The following RBFOX1 variants were observed in gnomAD, a reference collection of about 807,000 sequenced individuals.
RBFOX1 encodes the protein RNA binding fox-1 homolog 1.
RBFOX1 carries 8 observed loss-of-function variants against 57.7 expected under a neutral mutation model. The ratio of observed to expected loss-of-function variants is 0.14; its 90% CI spans 0.08 to 0.25. The LOEUF (loss-of-function observed/expected upper bound fraction) is 0.25. Among genes scored for constraint, RBFOX1 ranks in the 10% least tolerant of loss-of-function variants. The pLI, the probability that RBFOX1 is intolerant of heterozygous loss-of-function variation, is 1.00. For synonymous variants in RBFOX1, 326 were observed against 222.4 expected (o/e 1.47, Z -4.15); for missense variants, 611 against 548.5 (o/e 1.11, Z -1.14).
intron 1 of RBFOX1, among the ~76,000 whole-genome samples, chr16:6,170,761 G>A (rs1217295097): frequency 6.6e-6 from 1 of 151,940 alleles, no homozygotes; most frequent in Non-Finnish European, 1.5e-5. Context: ...CTATCCTCAA[G>A]CAGGCCCCAC....
At position 7,406,043 on chromosome 16, in the gene RBFOX1, G is replaced by A. The variant is rs1266731560; in HGVS notation, c.28-112104G>A. ...TATCCCCCACAACAAAGAATTACCT[G>A]GTTTGAAATATTGGCAATAGTGAAG... On this transcript the variant is annotated intron_variant, in intron 4 of 15. Transcript: ENST00000550418. Among the ~76,000 whole-genome samples, 3 of 152,126 alleles carry A rather than the reference G, an allele frequency of 2.0e-5. No individual in the cohort carries two copies. The East Asian group carries it at 5.8e-4, about 29-fold the overall frequency.
At chr16:7,145,762 A>G (rs562215095) in intron 4 of RBFOX1, among the ~76,000 whole-genome samples, 14 of 152,046 alleles carry the variant, frequency 9.2e-5, no homozygotes, top group Admixed American at 6.6e-4. Context: ...TATTAGGGAG[A>G]TATAAAAATC....
chr16:6,086,129 C>T (rs997039701), intron 1 of RBFOX1, among the ~76,000 whole-genome samples: 6 of 152,126 alleles, frequency 3.9e-5, no homozygotes, highest in African/African-American at 1.4e-4. Context: ...CAGCTTCATC[C>T]ATGTCCTTGC....
chr16:6,229,247 A>T (rs761332375), intron 1 of RBFOX1, among the ~76,000 whole-genome samples: 6 of 152,118 alleles, frequency 3.9e-5, no homozygotes, highest in Non-Finnish European at 7.3e-5. Flanking sequence ...AGAGAGCAAA[A>T]CTCAAAAGCA....
intron 4 of RBFOX1, among the ~76,000 whole-genome samples, chr16:7,267,411 C>A (rs1437336371): frequency 6.6e-6 from 1 of 151,340 alleles, no homozygotes; most frequent in Non-Finnish European, 1.5e-5. Context: ...TGGTGTGCAC[C>A]TGCAATCCCA....
At chr16:6,754,491 T>G (rs560629794) in intron 3 of RBFOX1, among the ~76,000 whole-genome samples, 11 of 152,308 alleles carry the variant, frequency 7.2e-5, no homozygotes, top group Middle Eastern at 3.4e-3. Flanking sequence ...CTCTTTTTCA[T>G]GAGGAAAATT....
At chr16:5,580,586 T>A (rs1195152393) in intron 2 of RBFOX1, among the ~76,000 whole-genome samples, 1 of 152,168 alleles carries the variant, frequency 6.6e-6, no homozygotes, top group Non-Finnish European at 1.5e-5. Context: ...ACGCTGGTTG[T>A]TCCCTTTGTG....
At chr16:5,828,051 A>ACCCACCCATCCATCCATCCT (rs2056135918) in intron 3 of RBFOX1, among the ~76,000 whole-genome samples, 1 of 149,976 alleles carries the variant, frequency 6.7e-6, no homozygotes, top group African/African-American at 2.5e-5. Context: ...CCATCCATCT[A>ACCCACCCATCCATCCATCCT]CCCACCCATC....
chr16:6,897,670 G>A (rs575918858), intron 3 of RBFOX1, among the ~76,000 whole-genome samples: 1 of 152,070 alleles, frequency 6.6e-6, no homozygotes, highest in South Asian at 2.1e-4. Context: ...GCACGTGTCT[G>A]TAATCACAGC....
chr16:6,578,328 A>G (rs943929186), intron 2 of RBFOX1, among the ~76,000 whole-genome samples: 3 of 152,178 alleles, frequency 2.0e-5, no homozygotes, highest in African/African-American at 7.2e-5. Context: ...GGTAGTGGGA[A>G]GTTAGCGAAG....
At chr16:6,684,605 G>A (rs2154125829) in intron 3 of RBFOX1, among the ~76,000 whole-genome samples, 1 of 152,270 alleles carries the variant, frequency 6.6e-6, no homozygotes, top group African/African-American at 2.4e-5. Flanking sequence ...AGCTGATTCT[G>A]TGAGTGAGAT....
intron 4 of RBFOX1, among the ~76,000 whole-genome samples, chr16:7,170,936 C>T (rs992251979): frequency 1.6e-4 from 25 of 152,284 alleles, no homozygotes; most frequent in African/African-American, 5.8e-4. Flanking sequence ...TCTTTTATGA[C>T]TTTATTTGTA....
At chr16:6,714,293 A>G (rs1261157570) in intron 3 of RBFOX1, among the ~76,000 whole-genome samples, 1 of 152,130 alleles carries the variant, frequency 6.6e-6, no homozygotes, top group Non-Finnish European at 1.5e-5. Flanking sequence ...CAGGCATTTC[A>G]TTATAGTATT....
At chr16:7,304,372 C>T (rs1038999065) in intron 4 of RBFOX1, 151 of 985,364 alleles carry the variant, frequency 1.5e-4, no homozygotes, top group Middle Eastern at 5.2e-4. Context: ...GCTCGGCGGG[C>T]GCCAGAGAGA....
At chr16:7,708,046 G>C (rs142335163) in intron 14 of RBFOX1, among the ~76,000 whole-genome samples, 32 of 152,298 alleles carry the variant, frequency 2.1e-4, no homozygotes, top group Middle Eastern at 3.4e-3. Context: ...TGCCCTAAGA[G>C]ATTCAAGTAT....
At chr16:7,599,663 T>TTTTTTTTA (rs2094907887) in intron 9 of RBFOX1, among the ~76,000 whole-genome samples, 4 of 147,128 alleles carry the variant, frequency 2.7e-5, no homozygotes, top group African/African-American at 7.6e-5. Flanking sequence ...TTTTTTTTTT[T>TTTTTTTTA]GAGACAGGGT....
At chr16:7,294,233 C>A (rs2095848141) in intron 4 of RBFOX1, among the ~76,000 whole-genome samples, 1 of 152,082 alleles carries the variant, frequency 6.6e-6, no homozygotes, top group Non-Finnish European at 1.5e-5. Context: ...GCCGCCTACC[C>A]TTCCTTGTCC....
At chr16:5,465,042 G>C (rs189107041) in intron 1 of RBFOX1, among the ~76,000 whole-genome samples, 4 of 152,310 alleles carry the variant, frequency 2.6e-5, no homozygotes, top group Non-Finnish European at 5.9e-5. Context: ...ACCTTTCAGA[G>C]GGGAGAGAAA....
At chr16:5,995,042 C>G (rs1346726176) in intron 4 of RBFOX1, among the ~76,000 whole-genome samples, 1 of 152,186 alleles carries the variant, frequency 6.6e-6, no homozygotes, top group African/African-American at 2.4e-5. Flanking sequence ...TTCCTACAAC[C>G]ATGCATTGAT....
Sources: allele counts gnomAD v4.1 joint callset (sites outside exome capture counted in the v4.1 genomes callset), GRCh38; gene constraint gnomAD v4.1.1; transcripts MANE v1.5; gene names NCBI Gene and HGNC (gene_info 2026-07-23, HGNC 2026-07-21).